TLE5: variants seen among roughly 807,000 people sequenced by gnomAD.
TLE5 encodes TLE family member 5, transcriptional modulator.
TLE5 carries 7 observed loss-of-function variants against 25.8 expected under a neutral mutation model. That is an observed-to-expected ratio of 0.27 (90% CI 0.15 to 0.51). The LOEUF is 0.51. Ranked by LOEUF, TLE5 falls within the 20% of genes least tolerant of loss-of-function variation. The pLI is 0.97. For synonymous variants in TLE5, 132 were observed against 110.5 expected (o/e 1.20, Z -1.22); for missense variants, 149 against 250.7 (o/e 0.59, Z 2.74).
At position 3,056,301 on chromosome 19, in the gene TLE5, GAT is replaced by G; in HGVS notation, c.234+9_234+10del. Reference sequence around the variant, plus strand: ...AGGAGGAGGAGGAGGAGGAGGAGGAGATGGGCGTACCTGTTTGTGCATCTCGA... The same window carrying G: ...AGGAGGAGGAGGAGGAGGAGGAGGAGGGGCGTACCTGTTTGTGCATCTCGA... On this transcript the variant is annotated intron_variant, in intron 4 of 6. Transcript: ENST00000327141. 2.0e-6 allele frequency: 3 copies of G among 1,517,622 alleles called. No individual in the cohort carries two copies. Among genetic ancestry groups the G allele is most frequent in the Non-Finnish European group, 2.7e-6 (3 of 1,130,264 alleles). 94.0% of individuals were successfully genotyped at this position (1,517,622 alleles called of 1,614,324 possible). A position where few individuals can be genotyped will look rare whatever the true frequency, so the allele number is the denominator to read the frequency against.
chr19:3,060,324 CTTTCTTT>C (rs2090254625), intron 2 of TLE5, among the ~76,000 whole-genome samples: 1 of 118,078 alleles, frequency 8.5e-6, no homozygotes, highest in Non-Finnish European at 1.7e-5. Context: ...TTCTTTTTTT[CTTTCTTT>C]TTTTTTTTTT....
intron 2 of TLE5, among the ~76,000 whole-genome samples, chr19:3,058,064 A>T (rs1359838022): frequency 6.6e-6 from 1 of 150,534 alleles, no homozygotes; most frequent in African/African-American, 2.5e-5. Context: ...AGGACATTGA[A>T]TTGAGGGGCA....
chr19:3,055,496 G>C (rs1255353318), intron 5 of TLE5, 168 bp downstream of exon 5: 2 of 472,002 alleles, frequency 4.2e-6, no homozygotes, highest in East Asian at 3.5e-5. Flanking sequence ...CTCTGGCCCG[G>C]GGATTCTTCT....
chr19:3,056,925 T>C (rs978517325), intron 3 of TLE5, among the ~76,000 whole-genome samples: 1 of 152,070 alleles, frequency 6.6e-6, no homozygotes. Flanking sequence ...TGTCTCTGTC[T>C]GGTGAACTCC....
chr19:3,062,504 C>T, upstream of TLE5: 1 of 632,594 alleles, frequency 1.6e-6, no homozygotes, highest in Non-Finnish European at 2.0e-6. Flanking sequence ...GTGGCCGCGG[C>T]TCGGCTGCTG....
chr19:3,056,767 C>A, intron 3 of TLE5: 1 of 275,266 alleles, frequency 3.6e-6, no homozygotes, highest in Non-Finnish European at 7.3e-6. Context: ...GAGGGGTAAA[C>A]AAAGCCTGCT....
At position 3,062,163 on chromosome 19, in the gene TLE5, G is replaced by T; in HGVS notation, c.27+11C>A. ...CGGGGTGGGGGCGCCGGCCGGACGG[G>T]CCCCGCTTACCGAATGCCTGCTTTG... On this transcript the variant is annotated intron_variant, in intron 1 of 6. Coordinates refer to ENST00000327141, the MANE Select transcript of TLE5 (RefSeq NM_001130.6). The T allele has an allele frequency of 8.6e-7, 1 of 1,163,546 alleles. No individual in the cohort carries two copies. Among genetic ancestry groups the T allele is most frequent in the Non-Finnish European group, 1.1e-6 (1 of 942,042 alleles). The allele number at this position is 1,163,546 out of a possible 1,614,324, so 72.1% of individuals were successfully genotyped here.
Position 3,054,003 on chromosome 19 carries a change from G to T in TLE5, c.410C>A (p.Ala137Asp). ...LQAHQLSQLQ[A>D]LALPLTPLPV... The stretch of plus-strand genomic sequence containing the variant: ...TAGTGGGGTCAAGGGCAGGGCCAGG[G>T]CCTGCAGCTGGGACAGCTGGTGGGC... Residue 137 changes from alanine to aspartate, a missense_variant, in exon 7 of 7, where the codon GCC becomes GAC. Ala to Asp is a moderately radical substitution (Grantham distance 126). Coordinates refer to ENST00000327141, the MANE Select transcript of TLE5 (RefSeq NM_001130.6). 1 of 1,605,442 alleles carries T rather than the reference G, an allele frequency of 6.2e-7. No homozygotes were observed. The highest frequency in any genetic ancestry group is 8.5e-7 in the Non-Finnish European group (1 of 1,176,916).
chr19:3,061,989 A>AG (rs1231201066), intron 1 of TLE5, among the ~76,000 whole-genome samples, 185 bp downstream of exon 1: 3 of 41,910 alleles, frequency 7.2e-5, no homozygotes, highest in African/African-American at 3.0e-4. Context: ...GGCCGGCGGC[A>AG]GGAGGGGAGG....
chr19:3,057,498 T>A, intron 3 of TLE5, 181 bp downstream of exon 3: 1 of 624,424 alleles, frequency 1.6e-6, no homozygotes, highest in Non-Finnish European at 2.8e-6. Flanking sequence ...CTCGGCCATC[T>A]GCCAGGCTAG....
At position 3,055,706 on chromosome 19, in the gene TLE5, C is replaced by T. The variant is rs1390441980; in HGVS notation, c.255G>A (p.Leu85=). 1.9e-6 allele frequency: 3 copies of T among 1,609,370 alleles called. No individual in the cohort carries two copies. ...MHKQAEIVKR[L]NGICAQVLPY... ...GCAGGACCTGGGCACAAATCCCGTT[C>T]AGCCTTTTGACGATCTCAGCCTGGA... The change falls in exon 5 of 7, where the codon CTG becomes CTA. Residue 85 remains leucine (L), a synonymous_variant. Transcript: ENST00000327141.
Position 3,058,910 on chromosome 19 carries a change from C to G in TLE5, c.126-1168G>C, listed in dbSNP as rs369893115. Among the ~76,000 whole-genome samples, 48 of 152,310 alleles carry G rather than the reference C, an allele frequency of 3.2e-4. No homozygotes were observed. The East Asian group carries it at 9.1e-3, about 29-fold the overall frequency. ...GTTCAAAGCTCAGCCCTTCGTCTTC[C>G]CTGCTGTGTGACTCTAGGCAAACTC... On this transcript the variant is annotated intron_variant, in intron 2 of 6. Transcript: ENST00000327141.
upstream of TLE5, chr19:3,062,525 G>T: frequency 1.5e-6 from 1 of 662,402 alleles, no homozygotes; most frequent in Non-Finnish European, 1.9e-6. Context: ...CGGAGGCTTC[G>T]GCTCCACCTG....
chr19:3,061,864 G>A (rs909932725), intron 1 of TLE5, among the ~76,000 whole-genome samples: 6 of 134,232 alleles, frequency 4.5e-5, no homozygotes, highest in Admixed American at 2.2e-4. Context: ...GGCCGTCCGA[G>A]GCCCTGACTG....
At chr19:3,062,565 A>AG (rs1220973485), upstream of TLE5, 327 of 805,078 alleles carry the variant, frequency 4.1e-4, no homozygotes, top group Middle Eastern at 1.2e-3. Flanking sequence ...CGCGCCGCCG[A>AG]GGGGGGGGAC....
intron 6 of TLE5, 34 bp downstream of exon 6, chr19:3,054,086 T>TCGGGGGGGGGGCCGC: frequency 1.3e-6 from 2 of 1,512,818 alleles, no homozygotes; most frequent in Non-Finnish European, 8.9e-7. Context: ...GGCCCACCTG[T>TCGGGGGGGGGGCCGC]CCCCCGCCCA....
intron 6 of TLE5, 30 bp downstream of exon 6, chr19:3,054,090 C>T: frequency 2.6e-6 from 2 of 769,146 alleles, no homozygotes; most frequent in Non-Finnish European, 2.0e-6. Flanking sequence ...CACCTGTCCC[C>T]CGCCCACCCG....
In TLE5 at chr19:3,062,402, TGCGCGCCCG is replaced by T. The variant is rs1487694746; in HGVS notation, c.-211_-203del. 3.8e-6 allele frequency: 3 copies of T among 798,144 alleles called. No individual in the cohort carries two copies. The highest frequency in any genetic ancestry group is 4.5e-6 in the Non-Finnish European group (3 of 671,276). 49.4% of individuals were successfully genotyped at this position (798,144 alleles called of 1,614,324 possible). On this transcript the variant is annotated 5_prime_UTR_variant, in exon 1 of 7. Coordinates refer to ENST00000327141, the MANE Select transcript of TLE5 (RefSeq NM_001130.6). The stretch of plus-strand genomic sequence containing the variant: ...CCGGCGCGCCCCGGGCCCCGCTTCC[TGCGCGCCCG>T]GCGCCCCTCCCCGCCCCTCCCCGCC...
At chr19:3,054,309 G>A in intron 5 of TLE5, 115 bp from the exon 6 acceptor site, 1 of 974,374 alleles carries the variant, frequency 1.0e-6, no homozygotes, top group Non-Finnish European at 1.6e-6. Context: ...CATCATGTCT[G>A]CTCCTCCCAG....
Sources: allele counts gnomAD v4.1 joint callset (sites outside exome capture counted in the v4.1 genomes callset), GRCh38; gene constraint gnomAD v4.1.1; transcripts MANE v1.5; gene names NCBI Gene and HGNC (gene_info 2026-07-23, HGNC 2026-07-21).